MCTP1: variants seen among roughly 807,000 people sequenced by gnomAD.
MCTP1 encodes multiple C2 and transmembrane domain-containing protein 1.
A neutral mutation model predicts 120.6 loss-of-function variants in MCTP1; 69 were observed. The observed-to-expected ratio is 0.57, with a 90% CI of 0.47 to 0.70. The LOEUF (loss-of-function observed/expected upper bound fraction) is 0.70, where lower values mean the gene tolerates loss of function less well. MCTP1 is among the 30% of genes least tolerant of loss of function. The pLI is 0.00. For missense variants in MCTP1, 1,203 were observed against 1,248.8 expected (o/e 0.96, Z 0.55); for synonymous variants, 529 against 493.1 (o/e 1.07, Z -0.96).
At chr5:95,046,316 T>G (rs1236134654) in intron 1 of MCTP1, among the ~76,000 whole-genome samples, 1 of 152,196 alleles carries the variant, frequency 6.6e-6, no homozygotes, top group East Asian at 1.9e-4. Flanking sequence ...AACAAAGCTA[T>G]GGTCAACTAA....
At chr5:95,141,509 G>A (rs1759928286) in intron 1 of MCTP1, among the ~76,000 whole-genome samples, 2 of 152,188 alleles carry the variant, frequency 1.3e-5, no homozygotes, top group Non-Finnish European at 2.9e-5. Flanking sequence ...GCAACAACAT[G>A]AGAGTTTGGC....
chr5:95,076,355 G>T (rs1017058012), intron 1 of MCTP1, among the ~76,000 whole-genome samples: 1 of 151,240 alleles, frequency 6.6e-6, no homozygotes, highest in Non-Finnish European at 1.5e-5. Context: ...CAAACTCCAG[G>T]TATGAGCTTA....
At chr5:94,775,657 C>T (rs1259964510) in intron 19 of MCTP1, among the ~76,000 whole-genome samples, 2 of 152,070 alleles carry the variant, frequency 1.3e-5, no homozygotes, top group African/African-American at 4.8e-5. Context: ...ATGTCATCTC[C>T]AGCACGGCTT....
At chr5:95,130,477 C>G (rs1562167333) in intron 1 of MCTP1, among the ~76,000 whole-genome samples, 1 of 152,160 alleles carries the variant, frequency 6.6e-6, no homozygotes, top group Non-Finnish European at 1.5e-5. Context: ...TAGCTAACAA[C>G]CAATAAGATA....
At chr5:94,899,182 G>A (rs1294319993) in intron 10 of MCTP1, among the ~76,000 whole-genome samples, 3 of 152,210 alleles carry the variant, frequency 2.0e-5, no homozygotes, top group African/African-American at 7.2e-5. Flanking sequence ...TTGGTTCACA[G>A]AGCAGCTCTC....
chr5:94,718,329 C>T (rs1055125534), intron 19 of MCTP1, among the ~76,000 whole-genome samples: 7 of 152,022 alleles, frequency 4.6e-5, no homozygotes, highest in African/African-American at 1.7e-4. Flanking sequence ...TGAAACTGGA[C>T]CCCTTTCTTA....
chr5:94,933,447 C>T (rs940534998), intron 5 of MCTP1, among the ~76,000 whole-genome samples: 1 of 151,586 alleles, frequency 6.6e-6, no homozygotes, highest in Non-Finnish European at 1.5e-5. Context: ...AACTGGAAAC[C>T]AAATATTTAA....
chr5:94,882,896 T>G (rs1800433736), intron 12 of MCTP1, among the ~76,000 whole-genome samples: 1 of 152,192 alleles, frequency 6.6e-6, no homozygotes, highest in Non-Finnish European at 1.5e-5. Flanking sequence ...TCTGTAATTC[T>G]CTTTAAAACA....
intron 1 of MCTP1, among the ~76,000 whole-genome samples, chr5:95,232,587 T>C (rs1252825993): frequency 6.6e-6 from 1 of 151,494 alleles, no homozygotes; most frequent in Non-Finnish European, 1.5e-5. Flanking sequence ...GCCTCCAGAG[T>C]AGCTGGGACT....
At chr5:94,772,076 A>T (rs1409181814) in intron 19 of MCTP1, among the ~76,000 whole-genome samples, 1 of 152,072 alleles carries the variant, frequency 6.6e-6, no homozygotes, top group African/African-American at 2.4e-5. Context: ...TGCACCCTGT[A>T]CTTTCCCAGT....
At chr5:94,744,447 C>A (rs1476907536) in intron 19 of MCTP1, among the ~76,000 whole-genome samples, 2 of 152,184 alleles carry the variant, frequency 1.3e-5, no homozygotes, top group Admixed American at 6.5e-5. Context: ...AAATCCTGCC[C>A]TGCTGGCGTT....
At chr5:94,876,047 T>C (rs969031631) in intron 12 of MCTP1, among the ~76,000 whole-genome samples, 4 of 152,134 alleles carry the variant, frequency 2.6e-5, no homozygotes, top group Admixed American at 1.3e-4. Flanking sequence ...TACTAGTAAA[T>C]GTACAACATC....
chr5:95,041,878 A>C (rs1842420867), intron 1 of MCTP1, among the ~76,000 whole-genome samples: 1 of 152,186 alleles, frequency 6.6e-6, no homozygotes, highest in Non-Finnish European at 1.5e-5. Context: ...TTACAGGAGA[A>C]TATTATTCAT....
intron 19 of MCTP1, among the ~76,000 whole-genome samples, chr5:94,764,761 G>T (rs72775315): frequency 0.12 from 17,679 of 143,024 alleles, 1,270 homozygotes; most frequent in East Asian, 0.28. Flanking sequence ...AGGAGATAGA[G>T]ACTCCAACAC....
Position 94,707,571 on chromosome 5 carries a change from T to C in MCTP1, c.2929-4A>G, listed in dbSNP as rs1218104132. On this transcript the variant is annotated splice_polypyrimidine_tract_variant and splice_region_variant and intron_variant, in intron 22 of 22. Transcript: ENST00000515393. Reference sequence around the variant, plus strand: ...GTTTCAGTTCTTGGTATTGCACCTGTTTAAACAGAGTTCAGAGGAAGACTG... The same window carrying C: ...GTTTCAGTTCTTGGTATTGCACCTGCTTAAACAGAGTTCAGAGGAAGACTG... 1.9e-6 allele frequency: 3 copies of C among 1,610,106 alleles called. No individual in the cohort carries two copies. The Admixed American group carries it at 5.0e-5, about 27-fold the overall frequency.
chr5:95,196,454 G>A (rs914884491), intron 1 of MCTP1, among the ~76,000 whole-genome samples: 1 of 152,154 alleles, frequency 6.6e-6, no homozygotes, highest in South Asian at 2.1e-4. Context: ...ATACAGATCT[G>A]CTTGAAGCCA....
intron 2 of MCTP1, among the ~76,000 whole-genome samples, chr5:95,015,930 T>C (rs984056432): frequency 2.6e-5 from 4 of 152,232 alleles, no homozygotes; most frequent in African/African-American, 9.6e-5. Context: ...CTGTTTTAGA[T>C]TGAATGATAT....
intron 19 of MCTP1, among the ~76,000 whole-genome samples, chr5:94,773,094 G>T (rs758988602): frequency 6.6e-6 from 1 of 152,134 alleles, no homozygotes; most frequent in African/African-American, 2.4e-5. Flanking sequence ...GCACCAATAG[G>T]TTCACAAAGG....
At chr5:95,205,458 G>A (rs1382617725) in intron 1 of MCTP1, among the ~76,000 whole-genome samples, 2 of 152,000 alleles carry the variant, frequency 1.3e-5, no homozygotes, top group Non-Finnish European at 2.9e-5. Flanking sequence ...GACACAAAAA[G>A]CACAGCAAGA....
Sources: gnomAD v4.1 joint callset for allele counts (sites outside exome capture counted in the v4.1 genomes callset) on GRCh38, gnomAD v4.1.1 for gene constraint, MANE v1.5 for transcripts, NCBI Gene and HGNC (gene_info 2026-07-23, HGNC 2026-07-21) for gene names.